Variants in EPM2A observed in about 807,000 individuals in gnomAD.
EPM2A encodes laforin.
EPM2A carries 21 observed loss-of-function variants against 26.5 expected under a neutral mutation model. The observed-to-expected ratio is 0.79, with a 90% CI of 0.56 to 1.14. The LOEUF (loss-of-function observed/expected upper bound fraction) is 1.14, where lower values mean the gene tolerates loss of function less well. EPM2A is among the 50% of genes most tolerant of loss of function. The probability of loss-of-function intolerance (pLI) is 0.00; values close to 1 mark genes in which losing one functional copy is unlikely to be tolerated. For missense variants in EPM2A, 458 were observed against 440.8 expected, an observed-to-expected ratio of 1.04 and a Z score of -0.35; for synonymous variants, 217 against 177.6, an observed-to-expected ratio of 1.22 and a Z score of -1.76.
At chr6:145,608,690 G>A (rs557972553) in intron 2 of EPM2A, among the ~76,000 whole-genome samples, 21 of 152,240 alleles carry the variant, frequency 1.4e-4, no homozygotes, top group Non-Finnish European at 2.1e-4. Flanking sequence ...TAAGTTTGCT[G>A]TATTTTCAAA....
intron 2 of EPM2A, chr6:145,638,203 G>A (rs759502684): frequency 2.6e-5 from 4 of 151,952 alleles, no homozygotes; most frequent in African/African-American, 4.8e-5. Context: ...TTCGCTAGTC[G>A]GTAAATGCCA....
chr6:145,721,397 C>T (rs886881781), intron 1 of EPM2A: 9 of 152,138 alleles, frequency 5.9e-5, no homozygotes, highest in African/African-American at 2.2e-4. Flanking sequence ...GAAGATATTC[C>T]AGATAATGAA....
chr6:145,649,510 G>A (rs1777723248), intron 2 of EPM2A, among the ~76,000 whole-genome samples: 1 of 152,194 alleles, frequency 6.6e-6, no homozygotes, highest in Admixed American at 6.5e-5. Context: ...GGGGCAAATT[G>A]TGTAACACGT....
rs55802475 is a variant in EPM2A, at chr6:145,518,595, CAAAA to C, written c.341-16024_341-16021del. Reference sequence around the variant, plus strand: ...CAGTTCCAGATTGTGTGAAATGCACCAAAAAAAAAAAAAAAAAAAAAAAAAAAAC... The same window carrying C: ...CAGTTCCAGATTGTGTGAAATGCACCAAAAAAAAAAAAAAAAAAAAAAAAC... On this transcript the variant is annotated intron_variant, in intron 2 of 3. Transcript: ENST00000450221. Among the ~76,000 whole-genome samples, 634 of 102,654 alleles carry C rather than the reference CAAAA, an allele frequency of 6.2e-3. 6 individuals are homozygous for C. Among genetic ancestry groups the C allele is most frequent in the African/African-American group, 0.02 (544 of 26,900 alleles). 67.3% of individuals were successfully genotyped at this position (102,654 alleles called of 152,430 possible).
intron 1 of EPM2A, among the ~76,000 whole-genome samples, chr6:145,731,528 C>T (rs757916996): frequency 2.0e-5 from 3 of 152,034 alleles, no homozygotes; most frequent in Non-Finnish European, 4.4e-5. Context: ...CACAGGAAAA[C>T]AAAACCAAAC....
Position 145,655,791 on chromosome 6 carries a change from A to G in EPM2A, c.477-20305T>C, listed in dbSNP as rs1313194546. On this transcript the variant is annotated intron_variant, in intron 2 of 3. Transcript: ENST00000367519. ...CTAGGCGGAAAAAAAAGGGAACATA[A>G]CAGAGCACTGGCATTTACTAATTCG... Among the ~76,000 whole-genome samples, 4 of 152,192 alleles carry G rather than the reference A, an allele frequency of 2.6e-5. No individual in the cohort carries two copies. The East Asian group carries it at 7.7e-4, about 29-fold the overall frequency.
intron 2 of EPM2A, among the ~76,000 whole-genome samples, chr6:145,582,973 C>T (rs1466745312): frequency 6.6e-6 from 1 of 152,190 alleles, no homozygotes; most frequent in African/African-American, 2.4e-5. Flanking sequence ...TTCATTACAA[C>T]ATTCTTACAG....
intron 2 of EPM2A, among the ~76,000 whole-genome samples, chr6:145,589,899 A>AG (rs1453153208): frequency 2.0e-5 from 3 of 151,206 alleles, no homozygotes; most frequent in African/African-American, 7.3e-5. Flanking sequence ...AAAAAAAAAA[A>AG]AAGAAAAAAA....
chr6:145,445,074 C>A (rs1779113667), intron 4 of EPM2A, among the ~76,000 whole-genome samples: 1 of 152,086 alleles, frequency 6.6e-6, no homozygotes, highest in Admixed American at 6.6e-5. Flanking sequence ...TTAGGTCACA[C>A]CTCAACACTC....
chr6:145,671,232 T>C lies in EPM2A; in HGVS notation c.476+14890A>G, dbSNP rs1013307390. 8 of 1,053,228 alleles carry C rather than the reference T, an allele frequency of 7.6e-6. No individual in the cohort carries two copies. The African/African-American group carries it at 1.0e-4, about 13-fold the overall frequency. 65.2% of individuals were successfully genotyped at this position (1,053,228 alleles called of 1,614,324 possible). On this transcript the variant is annotated intron_variant, in intron 2 of 3. Transcript: ENST00000367519. ...ATCTTATCATTATACAAGAAGTGTA[T>C]ACATACTTATTAAAAATCATTTATA...
intron 2 of EPM2A, among the ~76,000 whole-genome samples, chr6:145,642,276 G>A (rs939545039): frequency 2.0e-5 from 3 of 152,054 alleles, no homozygotes; most frequent in African/African-American, 7.2e-5. Flanking sequence ...AAGTTAAAAT[G>A]CCATATTTAA....
At chr6:145,571,045 C>T (rs1186205032) in intron 2 of EPM2A, among the ~76,000 whole-genome samples, 1 of 152,160 alleles carries the variant, frequency 6.6e-6, no homozygotes, top group Non-Finnish European at 1.5e-5. Context: ...GGAACTAAGA[C>T]CTCTAGGCCA....
intron 2 of EPM2A, among the ~76,000 whole-genome samples, chr6:145,528,837 T>G (rs549663972): frequency 5.9e-5 from 9 of 152,090 alleles, no homozygotes; most frequent in Non-Finnish European, 1.2e-4. Flanking sequence ...GAAAGTAAAT[T>G]GAAAACCTTC....
At chr6:145,604,716 ATAGT>A (rs1562399806) in intron 2 of EPM2A, among the ~76,000 whole-genome samples, 3 of 152,178 alleles carry the variant, frequency 2.0e-5, no homozygotes, top group Non-Finnish European at 4.4e-5. Flanking sequence ...CATAAATCAA[ATAGT>A]TAATCGGAAT....
At chr6:145,610,862 T>A (rs762790984) in intron 2 of EPM2A, among the ~76,000 whole-genome samples, 19 of 152,234 alleles carry the variant, frequency 1.2e-4, no homozygotes, top group Non-Finnish European at 2.4e-4. Context: ...TCCTTTTGTG[T>A]GTAAGGAATC....
intron 2 of EPM2A, among the ~76,000 whole-genome samples, chr6:145,540,757 C>CT (rs1315784402): frequency 2.0e-5 from 3 of 152,102 alleles, no homozygotes; most frequent in Non-Finnish European, 2.9e-5. Flanking sequence ...AGATCAAAAA[C>CT]TAGGGGCGTG....
In EPM2A at chr6:145,627,512, C is replaced by A; in HGVS notation, c.900G>T (p.Arg300Ser). Residue 300 changes from arginine to serine, a missense_variant, in exon 4 of 4, where the codon AGG (arginine) becomes AGT (serine). Transcript: ENST00000367519. ...CCTCTTCGTCAATGTAGACAGCCGG[C>A]CTCTTGGCCATGAGGAAATACTGCA... ...RKVQYFLMAK[R>S]PAVYIDEEAL... 1 of 1,614,246 alleles carries A rather than the reference C, an allele frequency of 6.2e-7. No individual in the cohort carries two copies. The highest frequency in any genetic ancestry group is 8.5e-7 in the Non-Finnish European group (1 of 1,180,042).
intron 2 of EPM2A, among the ~76,000 whole-genome samples, chr6:145,523,959 G>C (rs1252667708): frequency 1.3e-5 from 2 of 152,102 alleles, no homozygotes; most frequent in African/African-American, 4.8e-5. Context: ...TAGTGGAAGG[G>C]AGTCCTCAGT....
At chr6:145,394,420 C>T (rs1778378576) in intron 4 of EPM2A, among the ~76,000 whole-genome samples, 1 of 152,126 alleles carries the variant, frequency 6.6e-6, no homozygotes, top group Non-Finnish European at 1.5e-5. Context: ...ATTCACTCAG[C>T]ACTGCCAATT....
Sources: gnomAD v4.1 joint callset for allele counts (sites outside exome capture counted in the v4.1 genomes callset) on GRCh38, gnomAD v4.1.1 for gene constraint, MANE v1.5 for transcripts, NCBI Gene and HGNC (gene_info 2026-07-23, HGNC 2026-07-21) for gene names.